CAMTA1: variants seen among roughly 807,000 people sequenced by gnomAD.
CAMTA1 encodes the protein calmodulin binding transcription activator 1, also known as calmodulin-binding transcription activator 1.
A neutral mutation model predicts 170.9 loss-of-function variants in CAMTA1; 27 were observed. The observed-to-expected ratio is 0.16, with a 90% CI of 0.12 to 0.22. The LOEUF is 0.22. Among genes scored for constraint, CAMTA1 ranks in the 10% least tolerant of loss-of-function variants. CAMTA1 has a pLI of 1.00. For synonymous variants in CAMTA1, 833 were observed against 891.5 expected (o/e 0.93, Z 1.17); for missense variants, 1,619 against 2,217.2 (o/e 0.73, Z 5.42).
chr1:7,079,443 G>T (rs1169254844), intron 3 of CAMTA1, among the ~76,000 whole-genome samples: 1 of 151,856 alleles, frequency 6.6e-6, no homozygotes, highest in Admixed American at 6.6e-5. Flanking sequence ...CACACAGTAT[G>T]ATCAGATTTC....
rs1456619425 is a variant in CAMTA1, at chr1:7,768,612, C to T, written c.*2121C>T. ...TATAATTGTACTTGTTTTTTAATTA[C>T]TTCCTTTCACTGCCAACCTCGAATT... is the stretch of plus-strand genomic sequence containing the variant. On this transcript the variant is annotated 3_prime_UTR_variant, in exon 23 of 23. Coordinates refer to ENST00000303635, the MANE Select transcript of CAMTA1 (RefSeq NM_015215.4). The T allele has an allele frequency of 6.5e-6, 1 of 152,688 alleles. No homozygotes were observed. The highest frequency in any genetic ancestry group is 1.5e-5 in the Non-Finnish European group (1 of 68,026). 9.5% of individuals were successfully genotyped at this position (152,688 alleles called of 1,614,324 possible). A position where few individuals can be genotyped will look rare whatever the true frequency, so the allele number is the denominator to read the frequency against.
rs542464926 is a variant in CAMTA1, at chr1:6,851,634, T to C, written c.234+26424T>C. Among the ~76,000 whole-genome samples the C allele has an allele frequency of 3.3e-5, 5 of 152,334 alleles. No homozygotes were observed. The South Asian group carries it at 1.0e-3, about 32-fold the overall frequency. The stretch of plus-strand genomic sequence containing the variant: ...TGGCTCACTCCTGTGATCCCAGCTC[T>C]TTGGGAGACTGAGGCGGATGGATCA... On this transcript the variant is annotated intron_variant, in intron 3 of 22. Coordinates refer to ENST00000303635, the MANE Select transcript of CAMTA1 (RefSeq NM_015215.4).
chr1:7,605,281 G>A (rs953109797), intron 6 of CAMTA1, among the ~76,000 whole-genome samples: 3 of 152,208 alleles, frequency 2.0e-5, no homozygotes, highest in African/African-American at 7.2e-5. Context: ...TGCCCCCAGA[G>A]GTGGAGTCTA....
At chr1:7,076,556 T>G (rs1639330644) in intron 3 of CAMTA1, among the ~76,000 whole-genome samples, 2 of 152,216 alleles carry the variant, frequency 1.3e-5, no homozygotes, top group African/African-American at 4.8e-5. Flanking sequence ...CCCATCTGGT[T>G]AAAGGGAAGA....
chr1:7,226,794 G>C (rs1410007343), intron 4 of CAMTA1, among the ~76,000 whole-genome samples: 1 of 151,826 alleles, frequency 6.6e-6, no homozygotes, highest in Non-Finnish European at 1.5e-5. Flanking sequence ...TCAATATCCT[G>C]TGATTCATTT....
chr1:6,938,659 G>A (rs1361323326), intron 3 of CAMTA1, among the ~76,000 whole-genome samples: 1 of 152,156 alleles, frequency 6.6e-6, no homozygotes, highest in African/African-American at 2.4e-5. Context: ...TGGTAGGCTG[G>A]GCCAAGTGGT....
chr1:7,744,854 C>T lies in CAMTA1; in HGVS notation c.4202C>T (p.Ala1401Val). 6.2e-7 allele frequency: 1 copy of T among 1,613,412 alleles called. No homozygotes were observed. The highest frequency in any genetic ancestry group is 8.5e-7 in the Non-Finnish European group (1 of 1,179,654). ...CTTCAGGTGAACATGATGACCTTGG[C>T]AGAACACATTATTGAAGCCACACCT... is the stretch of plus-strand genomic sequence containing the variant. Reference protein sequence around the residue: ...DDIQVNMMTLAEHIIEATPDR... With the variant: ...DDIQVNMMTLVEHIIEATPDR... Residue 1401 changes from alanine (A) to valine (V), a missense_variant, in exon 17 of 23, where the codon GCA becomes GTA. Physicochemically the swap from Ala to Val is moderately conservative, Grantham distance 64. Transcript: ENST00000303635.
chr1:6,825,923 A>T (rs1475508488), intron 3 of CAMTA1, among the ~76,000 whole-genome samples: 1 of 152,116 alleles, frequency 6.6e-6, no homozygotes, highest in Non-Finnish European at 1.5e-5. Context: ...TGGTGATGAG[A>T]ATTGGGTATA....
intron 5 of CAMTA1, among the ~76,000 whole-genome samples, chr1:7,335,164 T>TGG (rs2083303296): frequency 5.8e-5 from 2 of 34,522 alleles, no homozygotes; most frequent in Non-Finnish European, 1.1e-4. Flanking sequence ...GGGGTGGGGG[T>TGG]GGGGGGTGTC....
chr1:6,983,529 G>T (rs1364617990), intron 3 of CAMTA1, among the ~76,000 whole-genome samples: 2 of 152,142 alleles, frequency 1.3e-5, no homozygotes, highest in Non-Finnish European at 1.5e-5. Context: ...ATCACAATTT[G>T]TCTTTATATA....
intron 3 of CAMTA1, among the ~76,000 whole-genome samples, chr1:6,855,567 C>T (rs533190983): frequency 1.2e-3 from 187 of 152,002 alleles, no homozygotes; most frequent in African/African-American, 4.4e-3. Flanking sequence ...CTAAGCCATT[C>T]GTGAAGGTGC....
intron 6 of CAMTA1, among the ~76,000 whole-genome samples, chr1:7,473,310 C>T (rs1323179052): frequency 1.3e-5 from 2 of 152,210 alleles, no homozygotes; most frequent in Non-Finnish European, 1.5e-5. Flanking sequence ...GAGCAGGTCC[C>T]ATTGGCATAC....
chr1:7,226,640 T>G (rs971647378), intron 4 of CAMTA1, among the ~76,000 whole-genome samples: 1 of 152,152 alleles, frequency 6.6e-6, no homozygotes, highest in Non-Finnish European at 1.5e-5. Context: ...CATAGACATA[T>G]AGGTGCTGGG....
intron 5 of CAMTA1, among the ~76,000 whole-genome samples, chr1:7,367,451 C>T (rs1307817036): frequency 1.3e-5 from 2 of 152,244 alleles, no homozygotes; most frequent in Admixed American, 6.5e-5. Flanking sequence ...TTGCACATTG[C>T]ATGGGTGAGG....
chr1:6,785,760 G>A (rs1639025255), intron 1 of CAMTA1, among the ~76,000 whole-genome samples, 185 bp downstream of exon 1: 1 of 135,850 alleles, frequency 7.4e-6, no homozygotes, highest in African/African-American at 2.7e-5. Context: ...GAGTCCTGAG[G>A]TGACTCGCGG....
At chr1:7,438,161 C>G (rs768451223) in intron 5 of CAMTA1, among the ~76,000 whole-genome samples, 4 of 152,078 alleles carry the variant, frequency 2.6e-5, no homozygotes, top group Non-Finnish European at 5.9e-5. Flanking sequence ...GAGATGCCAG[C>G]TCTCACCCCA....
Position 7,305,570 on chromosome 1 carries a change from C to T in CAMTA1, c.438+55944C>T, listed in dbSNP as rs191114519. On this transcript the variant is annotated intron_variant, in intron 5 of 22. Coordinates refer to ENST00000303635, the MANE Select transcript of CAMTA1 (RefSeq NM_015215.4). ...AGACCAGTACTTTCATTCTGCTCAACGTTGCCATTCATTACTTTTTCATTG... is the reference window on the plus strand; with the variant it reads ...AGACCAGTACTTTCATTCTGCTCAATGTTGCCATTCATTACTTTTTCATTG... Among the ~76,000 whole-genome samples the T allele has an allele frequency of 9.0e-3, 1,374 of 152,078 alleles. 23 individuals carry two copies. Among genetic ancestry groups the T allele is most frequent in the African/African-American group, 0.031 (1,268 of 41,528 alleles).
rs543210449 is a variant in CAMTA1 at position 7,682,621 on chromosome 1, G to C, written c.2914+4888G>C. Among the ~76,000 whole-genome samples the C allele has an allele frequency of 3.3e-4, 50 of 152,334 alleles. No homozygotes were observed. In the South Asian group the frequency reaches 0.01, roughly 31 times the overall value. On this transcript the variant is annotated intron_variant, in intron 11 of 22. Coordinates refer to ENST00000303635, the MANE Select transcript of CAMTA1 (RefSeq NM_015215.4). The surrounding 1 kb of genome is among the most constrained non-coding windows in gnomAD (Gnocchi z 5.0). Reference sequence around the variant, plus strand: ...ACCAGCCTCCACCCACCAGAGCTGGGAGATCACACACTGTCCCAGAGTCCA... The same window carrying C: ...ACCAGCCTCCACCCACCAGAGCTGGCAGATCACACACTGTCCCAGAGTCCA...
At chr1:7,164,246 G>A (rs559175937) in intron 4 of CAMTA1, among the ~76,000 whole-genome samples, 31 of 152,336 alleles carry the variant, frequency 2.0e-4, no homozygotes, top group African/African-American at 7.2e-4. Context: ...GAGCCTCCAG[G>A]ATCCCACAGG....
Sources: gnomAD v4.1 joint callset for allele counts (sites outside exome capture counted in the v4.1 genomes callset) on GRCh38, gnomAD v4.1.1 for gene constraint, Gnocchi (gnomAD v3.1) non-coding constraint, MANE v1.5 for transcripts, NCBI Gene and HGNC (gene_info 2026-07-23, HGNC 2026-07-21) for gene names.